Variants in KCNQ1 observed in about 807,000 individuals in gnomAD.
The protein encoded by KCNQ1 is potassium voltage-gated channel subfamily Q member 1, also known as potassium voltage-gated channel subfamily KQT member 1.
Under a neutral mutation model 72.4 loss-of-function variants are expected in KCNQ1, and 49 were observed. That is an observed-to-expected ratio of 0.68 (90% CI 0.54 to 0.86). The LOEUF (loss-of-function observed/expected upper bound fraction) is 0.86, where lower values mean the gene tolerates loss of function less well. KCNQ1 is among the 40% of genes least tolerant of loss of function. KCNQ1 has a pLI of 0.00. For missense variants in KCNQ1, 790 were observed against 945.1 expected (o/e 0.84, Z 2.15); for synonymous variants, 450 against 412.6 (o/e 1.09, Z -1.10).
At chr11:2,737,299 C>T (rs959212332) in intron 11 of KCNQ1, among the ~76,000 whole-genome samples, 10 of 152,112 alleles carry the variant, frequency 6.6e-5, no homozygotes, top group African/African-American at 2.4e-4. Context: ...GCAGCTGCTG[C>T]CGTGTGGGTG....
intron 1 of KCNQ1, among the ~76,000 whole-genome samples, chr11:2,501,257 T>A (rs1462489830): frequency 1.3e-5 from 2 of 150,612 alleles, no homozygotes; most frequent in East Asian, 3.9e-4. Context: ...GTTTTTTTTT[T>A]AAAAGATAAA....
intron 11 of KCNQ1, chr11:2,675,286 G>A (rs1850273594): frequency 2.5e-6 from 1 of 398,540 alleles, no homozygotes; most frequent in Non-Finnish European, 4.4e-6. Flanking sequence ...TCTCCCAAAA[G>A]CAGAGTTTTG....
intron 15 of KCNQ1, among the ~76,000 whole-genome samples, chr11:2,840,983 C>CAGGCTCT (rs1848197391): frequency 1.3e-5 from 2 of 151,880 alleles, no homozygotes; most frequent in South Asian, 4.1e-4. Flanking sequence ...CTCCAGGCTC[C>CAGGCTCT]AGGCTCTGGG....
chr11:2,699,638 G>A (rs563807211), intron 11 of KCNQ1: 4 of 355,450 alleles, frequency 1.1e-5, no homozygotes, highest in African/African-American at 2.1e-5. Context: ...AAGAACCCCC[G>A]GGGACAACCG....
At position 2,847,967 on chromosome 11, in the gene KCNQ1, G is replaced by T. The variant is rs2134097569; in HGVS notation, c.1995G>T (p.Leu665=). The T allele has an allele frequency of 1.3e-6, 2 of 1,560,018 alleles. No homozygotes were observed. Among genetic ancestry groups the T allele is most frequent in the Non-Finnish European group, 1.7e-6 (2 of 1,150,752 alleles). ...ACACCCTGCCCACCTACGAGCAGCT[G>T]ACCGTGCCCAGGAGGGGCCCCGATG... ...PSNTLPTYEQ[L]TVPRRGPDEG... is the part of the protein sequence containing the mutation. Residue 665 remains leucine (L), a synonymous_variant, in exon 16 of 16, where the codon CTG becomes CTT. Coordinates refer to ENST00000155840, the MANE Select transcript of KCNQ1 (RefSeq NM_000218.3).
chr11:2,765,259 T>G (rs977314363), intron 11 of KCNQ1, among the ~76,000 whole-genome samples: 3 of 152,240 alleles, frequency 2.0e-5, no homozygotes, highest in Non-Finnish European at 4.4e-5. Flanking sequence ...CTTTGACCCC[T>G]GGGTTATTTA....
chr11:2,695,453 G>C lies in KCNQ1; in HGVS notation c.1514+33372G>C, dbSNP rs1271830774. On this transcript the variant is annotated intron_variant, in intron 11 of 15. Transcript: ENST00000155840. The surrounding 1 kb of genome is among the most constrained non-coding windows in gnomAD (Gnocchi z 5.2). ...TTCTGTTTGGCATTTGTGTCACTCA[G>C]CACTGTGTTTCCACGCGTCTCTATC... is the stretch of plus-strand genomic sequence containing the variant. The C allele has an allele frequency of 2.5e-6, 1 of 398,454 alleles. No homozygotes were observed. The highest frequency in any genetic ancestry group is 4.4e-6 in the Non-Finnish European group (1 of 226,116). 24.7% of individuals were successfully genotyped at this position (398,454 alleles called of 1,614,324 possible).
chr11:2,651,565 T>C lies in KCNQ1; in HGVS notation c.1394-10396T>C, dbSNP rs1849756985. The C allele has an allele frequency of 2.5e-6, 1 of 398,638 alleles. No individual in the cohort carries two copies. Among genetic ancestry groups the C allele is most frequent in the Non-Finnish European group, 4.4e-6 (1 of 226,072 alleles). The allele number at this position is 398,638 out of a possible 1,614,324, so 24.7% of individuals were successfully genotyped here. On this transcript the variant is annotated intron_variant, in intron 10 of 15. Coordinates refer to ENST00000155840, the MANE Select transcript of KCNQ1 (RefSeq NM_000218.3). This position sits in a 1 kb window ranked among gnomAD's most constrained non-coding sequence, Gnocchi z 6.1. The stretch of plus-strand genomic sequence containing the variant: ...CTGAGAACATGGATATTGTGTTCTT[T>C]ACCTCCATGTCTCCAGTGCCTGCCA...
At chr11:2,837,394 G>A (rs917112099) in intron 15 of KCNQ1, among the ~76,000 whole-genome samples, 3 of 152,240 alleles carry the variant, frequency 2.0e-5, no homozygotes, top group East Asian at 3.9e-4. Context: ...CCCGCTCCGC[G>A]CTCACAGCCT....
chr11:2,583,359 T>C, intron 6 of KCNQ1, 76 bp from the exon 7 acceptor site: 1 of 974,396 alleles, frequency 1.0e-6, no homozygotes, highest in Non-Finnish European at 1.7e-6. Flanking sequence ...ATCAGAGTGG[T>C]GGGTTTGGGT....
rs368810849 is a variant in KCNQ1 at position 2,456,811 on chromosome 11, C to T, written c.386+11327C>T. On this transcript the variant is annotated intron_variant, in intron 1 of 15. Coordinates refer to ENST00000155840, the MANE Select transcript of KCNQ1 (RefSeq NM_000218.3). ...AAAATTAGCCGGGCGTGGGGGTGGG[C>T]GCCTGTAGTCCCAGCTACTCGGGAG... 3.1e-3 allele frequency among the ~76,000 whole-genome samples: 453 copies of T among 145,072 alleles called. 11 individuals are homozygous for T. The highest frequency in any genetic ancestry group is 0.011 in the African/African-American group (425 of 39,006).
At chr11:2,580,608 C>T (rs1217996755) in intron 6 of KCNQ1, among the ~76,000 whole-genome samples, 2 of 152,156 alleles carry the variant, frequency 1.3e-5, no homozygotes, top group South Asian at 2.1e-4. Context: ...CCTGTTAGTG[C>T]CCCCCAGCCA....
intron 11 of KCNQ1, among the ~76,000 whole-genome samples, chr11:2,732,597 G>C (rs572978175): frequency 1.8e-4 from 28 of 152,316 alleles, no homozygotes; most frequent in African/African-American, 6.0e-4. Context: ...CCGAGGCACC[G>C]GTGCTTCCGA....
chr11:2,567,027 C>T lies in KCNQ1; in HGVS notation c.478-3601C>T, dbSNP rs1848258517. Among the ~76,000 whole-genome samples, 1 of 150,384 alleles carries T rather than the reference C, an allele frequency of 6.6e-6. No individual in the cohort carries two copies. Among genetic ancestry groups the T allele is most frequent in the East Asian group, 2.0e-4 (1 of 5,036 alleles). On this transcript the variant is annotated intron_variant, in intron 2 of 15. Transcript: ENST00000155840. This position sits in a 1 kb window ranked among gnomAD's most constrained non-coding sequence, Gnocchi z 6.6. ...CTCCTGACACAGGGTCCTGAGGAGG[C>T]AGGGGTGCCCCAGGGAATGGGGGGC...
In KCNQ1 at chr11:2,676,249, G is replaced by T. The variant is rs1011414650; in HGVS notation, c.1514+14168G>T. 4 of 398,516 alleles carry T rather than the reference G, an allele frequency of 1.0e-5. No individual in the cohort carries two copies. Among genetic ancestry groups the T allele is most frequent in the Non-Finnish European group, 1.8e-5 (4 of 226,074 alleles). The allele number at this position is 398,516 out of a possible 1,614,324, so 24.7% of individuals were successfully genotyped here. ...TGATTTATTATGGTGCAGTACATCT[G>T]AGAAGCATTTTTATTGCAAAATGTG... On this transcript the variant is annotated intron_variant, in intron 11 of 15. Transcript: ENST00000155840. This position sits in a 1 kb window ranked among gnomAD's most constrained non-coding sequence, Gnocchi z 4.2.
At chr11:2,629,494 G>C (rs1411884815) in intron 10 of KCNQ1, 1 of 398,312 alleles carries the variant, frequency 2.5e-6, no homozygotes, top group Non-Finnish European at 4.4e-6. Context: ...TCCACTTTGA[G>C]TTAATTTTTG....
In KCNQ1 at chr11:2,516,138, C is replaced by T. The variant is rs1480744955; in HGVS notation, c.387-11790C>T. 6.6e-6 allele frequency among the ~76,000 whole-genome samples: 1 copy of T among 152,036 alleles called. No homozygotes were observed. Among genetic ancestry groups the T allele is most frequent in the Non-Finnish European group, 1.5e-5 (1 of 68,016 alleles). ...CTGGGTTGTAGTTTTCGGGGTGCTT[C>T]GAGGTGCTGTGGGGACCTGTGATGC... On this transcript the variant is annotated intron_variant, in intron 1 of 15. Coordinates refer to ENST00000155840, the MANE Select transcript of KCNQ1 (RefSeq NM_000218.3). This position sits in a 1 kb window ranked among gnomAD's most constrained non-coding sequence, Gnocchi z 7.0.
chr11:2,527,844 A>G (rs921981042), intron 1 of KCNQ1, 84 bp from the exon 2 acceptor site: 27 of 1,198,716 alleles, frequency 2.3e-5, no homozygotes, highest in Non-Finnish European at 3.2e-5. Flanking sequence ...GGCGGGGCTG[A>G]GGCCAGGGGC....
At chr11:2,665,137 T>C in intron 11 of KCNQ1, 3 of 398,586 alleles carry the variant, frequency 7.5e-6, no homozygotes, top group African/African-American at 6.2e-5. Flanking sequence ...TGGGCCCTAC[T>C]GCTCAGCCTC....
Sources: gnomAD v4.1 joint callset for allele counts (sites outside exome capture counted in the v4.1 genomes callset) on GRCh38, gnomAD v4.1.1 for gene constraint, Gnocchi (gnomAD v3.1) non-coding constraint, MANE v1.5 for transcripts, NCBI Gene and HGNC (gene_info 2026-07-23, HGNC 2026-07-21) for gene names.